Variants in ARID2 observed in about 807,000 individuals in gnomAD.
ARID2 encodes AT-rich interactive domain-containing protein 2.
Under a neutral mutation model 184.6 loss-of-function variants are expected in ARID2, and 32 were observed. The observed-to-expected ratio is 0.17, with a 90% confidence interval of 0.13 to 0.23. The LOEUF is 0.23. Ranked by LOEUF, ARID2 falls within the 10% of genes least tolerant of loss-of-function variation. ARID2 has a pLI of 1.00. For synonymous variants in ARID2, 836 were observed against 772.6 expected (o/e 1.08, Z -1.36); for missense variants, 1,696 against 2,197.6 (o/e 0.77, Z 4.56).
intron 3 of ARID2, among the ~76,000 whole-genome samples, chr12:45,805,805 A>G (rs762332931): frequency 3.8e-4 from 58 of 152,246 alleles, no homozygotes; most frequent in Non-Finnish European, 7.2e-4. Context: ...AATAAAGTAT[A>G]TAATTCAGTA....
At chr12:45,811,382 T>C (rs1009211953) in intron 3 of ARID2, 36 bp from the exon 4 acceptor site, 3 of 1,585,656 alleles carry the variant, frequency 1.9e-6, no homozygotes, top group South Asian at 1.2e-5. Context: ...TATAAATCTA[T>C]TTTTAAATGT....
chr12:45,746,286 G>T (rs1941354066), intron 3 of ARID2, among the ~76,000 whole-genome samples: 1 of 151,740 alleles, frequency 6.6e-6, no homozygotes, highest in Non-Finnish European at 1.5e-5. Context: ...GATGTGTAAA[G>T]ATTTTGTAGA....
intron 6 of ARID2, among the ~76,000 whole-genome samples, chr12:45,829,785 G>T (rs1943074839): frequency 1.5e-5 from 2 of 130,936 alleles, no homozygotes. Context: ...TTTTCTTCTA[G>T]GTTATCTTTC....
chr12:45,782,845 A>G (rs1340378590), intron 3 of ARID2, among the ~76,000 whole-genome samples: 1 of 151,966 alleles, frequency 6.6e-6, no homozygotes, highest in Non-Finnish European at 1.5e-5. Context: ...GCGGTGGTTC[A>G]TGCCTGTAAT....
intron 3 of ARID2, among the ~76,000 whole-genome samples, chr12:45,771,692 C>CTATATA (rs146042982): frequency 1.8e-4 from 26 of 145,684 alleles, no homozygotes; most frequent in Admixed American, 9.6e-4. Flanking sequence ...ATGTGTAAAA[C>CTATATA]TATATATATA....
At chr12:45,809,582 G>C (rs1942665716) in intron 3 of ARID2, among the ~76,000 whole-genome samples, 2 of 152,150 alleles carry the variant, frequency 1.3e-5, no homozygotes, top group Admixed American at 1.3e-4. Context: ...GTTGAAATGT[G>C]TACACTTGCC....
At chr12:45,732,874 T>C (rs12826411) in intron 3 of ARID2, among the ~76,000 whole-genome samples, 1 of 152,214 alleles carries the variant, frequency 6.6e-6, no homozygotes, top group Non-Finnish European at 1.5e-5. Flanking sequence ...TTTAGCATAA[T>C]CAAATTAATA....
chr12:45,880,164 T>A (rs1181017139), intron 16 of ARID2, among the ~76,000 whole-genome samples: 1 of 152,244 alleles, frequency 6.6e-6, no homozygotes, highest in Non-Finnish European at 1.5e-5. Context: ...GCTCCTCATA[T>A]ATTTCTCGTT....
At chr12:45,750,328 C>T (rs894309643) in intron 3 of ARID2, among the ~76,000 whole-genome samples, 4 of 151,984 alleles carry the variant, frequency 2.6e-5, no homozygotes, top group Non-Finnish European at 5.9e-5. Context: ...GTTTGGGGTG[C>T]CCCCAAACAA....
At chr12:45,846,741 A>C in intron 11 of ARID2, 115 bp from the exon 12 acceptor site, 1 of 834,798 alleles carries the variant, frequency 1.2e-6, no homozygotes, top group Non-Finnish European at 1.9e-6. Flanking sequence ...ATATGTTTAT[A>C]CACCTTTTAA....
intron 5 of ARID2, among the ~76,000 whole-genome samples, chr12:45,821,085 A>G (rs1264373777): frequency 3.3e-5 from 5 of 152,192 alleles, no homozygotes; most frequent in Non-Finnish European, 5.9e-5. Context: ...TTTAATAGCA[A>G]TAACCTCAGT....
At chr12:45,855,740 A>G (rs1943635623) in intron 15 of ARID2, among the ~76,000 whole-genome samples, 1 of 151,914 alleles carries the variant, frequency 6.6e-6, no homozygotes, top group East Asian at 1.9e-4. Flanking sequence ...TGGGGAAGAC[A>G]GGGGCTTACT....
chr12:45,844,594 T>C (rs1010322055), intron 11 of ARID2, among the ~76,000 whole-genome samples: 1 of 152,214 alleles, frequency 6.6e-6, no homozygotes, highest in Non-Finnish European at 1.5e-5. Context: ...GATACTAATG[T>C]TTCTAATTCT....
chr12:45,817,920 C>A (rs1383194442), intron 5 of ARID2, 32 bp downstream of exon 5: 1 of 1,534,522 alleles, frequency 6.5e-7, no homozygotes, highest in Non-Finnish European at 8.8e-7. Context: ...TTATATAATT[C>A]TTCTGTAAAA....
intron 3 of ARID2, among the ~76,000 whole-genome samples, chr12:45,747,265 G>A (rs1358159447): frequency 2.0e-5 from 3 of 151,926 alleles, no homozygotes; most frequent in South Asian, 2.1e-4. Context: ...TTGTAATAAC[G>A]TGTGTGTTGC....
chr12:45,791,691 C>T (rs1191823171), intron 3 of ARID2, among the ~76,000 whole-genome samples: 4 of 152,128 alleles, frequency 2.6e-5, no homozygotes, highest in African/African-American at 9.7e-5. Flanking sequence ...CCTCCCTGGG[C>T]TCAGGTGATC....
rs139806958 is a variant in ARID2, at chr12:45,852,472, G to A, written c.4349G>A (p.Gly1450Glu). 647 of 1,614,142 alleles carry A rather than the reference G, an allele frequency of 4.0e-4. 6 individuals are homozygous for A. The South Asian group carries it at 4.7e-3, about 12-fold the overall frequency. Residue 1450 changes from glycine (G) to glutamate (E), a missense_variant, in exon 15 of 21, where the codon GGA becomes GAA. Gly to Glu is a moderately conservative substitution (Grantham distance 98). Coordinates refer to ENST00000334344, the MANE Select transcript of ARID2 (RefSeq NM_152641.4). Reference protein sequence around the residue: ...QQFSGTDLLNGPLASSLNSDV... With the variant: ...QQFSGTDLLNEPLASSLNSDV... The stretch of plus-strand genomic sequence containing the variant: ...TTTAGTGGTACTGATTTGCTTAATG[G>A]ACCTCTAGCTTCAAGTTTGAATTCA...
Position 45,852,761 on chromosome 12 carries a change from T to C in ARID2, c.4638T>C (p.Asn1546=), listed in dbSNP as rs1171028529. ...TTGTTACAATCAGTGACCCCAACAA[T>C]GCTGGCTGCAGCGCAACAATGGTTG... ...VRIVTISDPN[N]AGCSATMVAV... The change falls in exon 15 of 21, where the codon AAT becomes AAC. Residue 1546 remains asparagine, a synonymous_variant. Transcript: ENST00000334344. 1.2e-6 allele frequency: 2 copies of C among 1,614,178 alleles called. No homozygotes were observed. The highest frequency in any genetic ancestry group is 2.2e-5 in the East Asian group (1 of 44,878).
chr12:45,854,568 G>T (rs1451275996), intron 15 of ARID2, among the ~76,000 whole-genome samples: 1 of 152,046 alleles, frequency 6.6e-6, no homozygotes, highest in Non-Finnish European at 1.5e-5. Flanking sequence ...CCATAGTTAG[G>T]TTTTTTCTCT....
Sources: gnomAD v4.1 joint callset for allele counts (sites outside exome capture counted in the v4.1 genomes callset) on GRCh38, gnomAD v4.1.1 for gene constraint, MANE v1.5 for transcripts, NCBI Gene and HGNC (gene_info 2026-07-23, HGNC 2026-07-21) for gene names.